The following GRID1 variants were observed in gnomAD, a reference collection of about 807,000 sequenced individuals.
GRID1 encodes glutamate receptor ionotropic, delta-1.
A neutral mutation model predicts 98.0 loss-of-function variants in GRID1; 28 were observed. That is an observed-to-expected ratio of 0.29 (90% CI 0.21 to 0.39). GRID1 has a LOEUF of 0.39. Ranked by LOEUF, GRID1 falls within the 10% of genes least tolerant of loss-of-function variation. GRID1 has a pLI of 1.00. For synonymous variants in GRID1, 553 were observed against 538.5 expected, an observed-to-expected ratio of 1.03 and a Z score of -0.37; for missense variants, 1,111 against 1,340.5, an observed-to-expected ratio of 0.83 and a Z score of 2.67.
intron 4 of GRID1, among the ~76,000 whole-genome samples, chr10:86,027,772 T>C (rs773420617): frequency 6.6e-6 from 1 of 152,232 alleles, no homozygotes; most frequent in Non-Finnish European, 1.5e-5. Flanking sequence ...GACATCTTGT[T>C]TCCTCAGCTC....
intron 4 of GRID1, among the ~76,000 whole-genome samples, chr10:86,131,678 C>T (rs1286727268): frequency 3.3e-5 from 5 of 152,192 alleles, no homozygotes; most frequent in African/African-American, 9.7e-5. Context: ...GAAAGTCCAG[C>T]GGCACTCAGG....
chr10:86,068,310 G>A (rs527621847), intron 4 of GRID1, among the ~76,000 whole-genome samples: 3 of 152,240 alleles, frequency 2.0e-5, no homozygotes, highest in Admixed American at 2.0e-4. Context: ...GTGAAGTCAG[G>A]AGAAGAGAGA....
intron 13 of GRID1, among the ~76,000 whole-genome samples, chr10:85,620,392 G>A (rs959537195): frequency 1.3e-5 from 2 of 152,230 alleles, no homozygotes; most frequent in Admixed American, 1.3e-4. Flanking sequence ...CTAGTGCCAG[G>A]TGACTGAGAT....
At chr10:86,069,835 G>A (rs1053363069) in intron 4 of GRID1, among the ~76,000 whole-genome samples, 7 of 152,148 alleles carry the variant, frequency 4.6e-5, no homozygotes, top group African/African-American at 1.7e-4. Flanking sequence ...CCTCAGCTGG[G>A]GTGTGATGTG....
At chr10:86,292,514 C>T (rs1398254930) in intron 2 of GRID1, among the ~76,000 whole-genome samples, 1 of 152,238 alleles carries the variant, frequency 6.6e-6, no homozygotes, top group Non-Finnish European at 1.5e-5. Context: ...CACAGATAAG[C>T]GTCGCCCCTG....
intron 8 of GRID1, among the ~76,000 whole-genome samples, chr10:85,774,051 A>T (rs536046343): frequency 6.6e-6 from 1 of 152,346 alleles, no homozygotes; most frequent in African/African-American, 2.4e-5. Context: ...AGCTGTAGGC[A>T]TCACGCTATC....
chr10:85,615,621 T>C (rs1876883), intron 14 of GRID1, among the ~76,000 whole-genome samples: 22,254 of 152,198 alleles, frequency 0.15, 1,813 homozygotes, highest in African/African-American at 0.19. Flanking sequence ...TACATGTGCA[T>C]TTATATGGTT....
At chr10:85,664,682 T>A (rs1361840449) in intron 12 of GRID1, among the ~76,000 whole-genome samples, 1 of 152,202 alleles carries the variant, frequency 6.6e-6, no homozygotes. Flanking sequence ...ATCTGAGGTT[T>A]CATTTCGCAC....
chr10:85,692,663 T>TC (rs1220279096), intron 12 of GRID1, among the ~76,000 whole-genome samples: 3 of 27,312 alleles, frequency 1.1e-4, no homozygotes, highest in African/African-American at 7.2e-4. Context: ...TGAGACCCTG[T>TC]TAAAAAAAAA....
chr10:86,115,633 C>T (rs908842699), intron 4 of GRID1, among the ~76,000 whole-genome samples: 15 of 152,294 alleles, frequency 9.8e-5, no homozygotes, highest in African/African-American at 3.6e-4. Flanking sequence ...GACAGAATTC[C>T]AACTCAAGCC....
chr10:85,972,569 C>A (rs1160675304), intron 4 of GRID1, among the ~76,000 whole-genome samples: 1 of 151,372 alleles, frequency 6.6e-6, no homozygotes, highest in African/African-American at 2.4e-5. Context: ...ATCAGAAATA[C>A]TTTCTCAGTG....
At chr10:86,308,069 G>A (rs1847783581) in intron 2 of GRID1, among the ~76,000 whole-genome samples, 1 of 151,844 alleles carries the variant, frequency 6.6e-6, no homozygotes, top group Non-Finnish European at 1.5e-5. Context: ...CCTCCCCCAA[G>A]GACCACCATT....
chr10:86,262,673 A>G (rs903546331), intron 2 of GRID1, among the ~76,000 whole-genome samples: 1 of 152,226 alleles, frequency 6.6e-6, no homozygotes, highest in African/African-American at 2.4e-5. Flanking sequence ...GAGAGGTTAA[A>G]TAACTTGCCT....
At chr10:85,966,104 C>T (rs1842333290) in intron 4 of GRID1, among the ~76,000 whole-genome samples, 1 of 152,220 alleles carries the variant, frequency 6.6e-6, no homozygotes, top group Non-Finnish European at 1.5e-5. Flanking sequence ...GATCCTTATG[C>T]ACACGGTGTT....
intron 13 of GRID1, among the ~76,000 whole-genome samples, chr10:85,641,337 A>G (rs1349315252): frequency 6.6e-6 from 1 of 152,258 alleles, no homozygotes; most frequent in Middle Eastern, 3.2e-3. Flanking sequence ...TAATAGTTTG[A>G]AAATCAAAAG....
At chr10:86,287,393 T>G (rs771339713) in intron 2 of GRID1, among the ~76,000 whole-genome samples, 6 of 152,180 alleles carry the variant, frequency 3.9e-5, no homozygotes, top group Admixed American at 6.5e-5. Flanking sequence ...CTGGTCCCAG[T>G]AACGCACCAC....
intron 2 of GRID1, among the ~76,000 whole-genome samples, chr10:86,316,625 C>G (rs1847903213): frequency 6.6e-6 from 1 of 152,236 alleles, no homozygotes; most frequent in Non-Finnish European, 1.5e-5. Context: ...GAGATGGAGC[C>G]AGCTCCTGAG....
chr10:86,322,480 C>T (rs1371790079), intron 2 of GRID1, among the ~76,000 whole-genome samples: 1 of 151,916 alleles, frequency 6.6e-6, no homozygotes, highest in Non-Finnish European at 1.5e-5. Context: ...GGCATGATCT[C>T]GGGTCACTGC....
At chr10:86,282,438 C>T (rs908096143) in intron 2 of GRID1, among the ~76,000 whole-genome samples, 1 of 152,166 alleles carries the variant, frequency 6.6e-6, no homozygotes, top group Non-Finnish European at 1.5e-5. Flanking sequence ...TTCCATGGAT[C>T]CAGGTGCCGG....
Sources: gnomAD v4.1 joint callset for allele counts (sites outside exome capture counted in the v4.1 genomes callset) on GRCh38, gnomAD v4.1.1 for gene constraint, MANE v1.5 for transcripts, NCBI Gene and HGNC (gene_info 2026-07-23, HGNC 2026-07-21) for gene names.